GLIS3: variants seen among roughly 807,000 people sequenced by gnomAD.
GLIS3 encodes GLIS family zinc finger 3.
Under a neutral mutation model 78.6 loss-of-function variants are expected in GLIS3, and 53 were observed. The ratio of observed to expected loss-of-function variants is 0.67; its 90% confidence interval spans 0.54 to 0.85. GLIS3 has a LOEUF of 0.85. Among genes scored for constraint, GLIS3 ranks in the 40% least tolerant of loss-of-function variants. The pLI, the probability that GLIS3 is intolerant of heterozygous loss-of-function variation, is 0.00. For missense variants in GLIS3, 1,703 were observed against 1,231.1 expected (o/e 1.38, Z -5.74); for synonymous variants, 684 against 509.9 (o/e 1.34, Z -4.60).
At chr9:4,290,003 G>A (rs1828314470) in intron 1 of GLIS3, among the ~76,000 whole-genome samples, 1 of 152,010 alleles carries the variant, frequency 6.6e-6, no homozygotes, top group Non-Finnish European at 1.5e-5. Context: ...TTCTACCCAA[G>A]GCTCCAGGCA....
At chr9:4,131,352 T>C (rs2130937094) in intron 2 of GLIS3, among the ~76,000 whole-genome samples, 1 of 151,940 alleles carries the variant, frequency 6.6e-6, no homozygotes, top group East Asian at 1.9e-4. Flanking sequence ...TTGGGAGGGG[T>C]CAGGGTGATA....
chr9:3,911,241 TCA>T lies in GLIS3; in HGVS notation c.1984-12408_1984-12407del, dbSNP rs1349229095. ...ATAAGACAATTGAAGTTCCCTGCTC[TCA>T]CAGAGTTTACAGTGTGGCATGAATA... On this transcript the variant is annotated intron_variant, in intron 6 of 10. Coordinates refer to ENST00000381971, the MANE Select transcript of GLIS3 (RefSeq NM_001042413.2). 5.3e-5 allele frequency among the ~76,000 whole-genome samples: 8 copies of T among 152,342 alleles called. No homozygotes were observed. The East Asian group carries it at 1.5e-3, about 29-fold the overall frequency.
chr9:3,873,393 G>A (rs765110755), intron 8 of GLIS3, among the ~76,000 whole-genome samples: 1 of 152,078 alleles, frequency 6.6e-6, no homozygotes, highest in African/African-American at 2.4e-5. Flanking sequence ...ATTTATACGA[G>A]GGAAGCAAGG....
intron 9 of GLIS3, among the ~76,000 whole-genome samples, chr9:3,832,451 T>C (rs1818104013): frequency 6.6e-6 from 1 of 152,198 alleles, no homozygotes; most frequent in African/African-American, 2.4e-5. Context: ...AGACCTGAGC[T>C]GTATACCTCT....
rs938090095 is a variant in GLIS3, at chr9:4,050,307, T to C, written c.1710+67461A>G. 1.4e-4 allele frequency among the ~76,000 whole-genome samples: 22 copies of C among 152,254 alleles called. No individual in the cohort carries two copies. The East Asian group carries it at 3.3e-3, about 23-fold the overall frequency. On this transcript the variant is annotated intron_variant, in intron 4 of 10. Coordinates refer to ENST00000381971, the MANE Select transcript of GLIS3 (RefSeq NM_001042413.2). ...TTCATGTCCTTTGCAGGGACATGGA[T>C]GAAGCTGGAAACCATTATTCTCAGT...
chr9:3,954,989 G>A (rs990407981), intron 4 of GLIS3, among the ~76,000 whole-genome samples: 20 of 152,308 alleles, frequency 1.3e-4, no homozygotes, highest in African/African-American at 3.1e-4. Context: ...AGAGAGATGC[G>A]AAAGCTCAAA....
At chr9:4,062,845 C>T (rs923358543) in intron 4 of GLIS3, among the ~76,000 whole-genome samples, 2 of 151,888 alleles carry the variant, frequency 1.3e-5, no homozygotes, top group Non-Finnish European at 1.5e-5. Flanking sequence ...AGGAGAATGG[C>T]ATGAACCCAG....
intron 4 of GLIS3, among the ~76,000 whole-genome samples, chr9:4,058,239 G>GT (rs964819816): frequency 8.0e-4 from 120 of 150,902 alleles, no homozygotes; most frequent in Middle Eastern, 3.4e-3. Context: ...ATTTTTCCTT[G>GT]TTTTTTTTTG....
intron 4 of GLIS3, among the ~76,000 whole-genome samples, chr9:4,115,855 A>G (rs1005606560): frequency 2.0e-5 from 3 of 152,180 alleles, no homozygotes; most frequent in Admixed American, 2.0e-4. Flanking sequence ...TAAATCATCA[A>G]TCTGAATTTT....
the GLIS3 span, among the ~76,000 whole-genome samples, chr9:4,433,169 C>A: frequency 6.6e-6 from 1 of 152,236 alleles, no homozygotes. Context: ...CTATGGCCCA[C>A]GCCTGTAATC....
rs1816915690 is a variant in GLIS3 at position 3,953,992 on chromosome 9, T to C, written c.1711-16803A>G. 6.6e-5 allele frequency among the ~76,000 whole-genome samples: 10 copies of C among 152,238 alleles called. No homozygotes were observed. The South Asian group carries it at 2.1e-3, about 32-fold the overall frequency. ...CAATACCACGTTTTTTTCCCTTTTT[T>C]CTCCCCCTCACTTGGAGTAAATTAA... On this transcript the variant is annotated intron_variant, in intron 4 of 10. Transcript: ENST00000381971.
At chr9:4,383,746 C>G in the GLIS3 span, among the ~76,000 whole-genome samples, 5 of 152,182 alleles carry the variant, frequency 3.3e-5, no homozygotes, top group African/African-American at 1.2e-4. Flanking sequence ...ACATTTACTT[C>G]CAGAAAAGTA....
rs1451226579 is a variant in GLIS3 at position 3,893,515 on chromosome 9, T to G, written c.2128+5176A>C. Among the ~76,000 whole-genome samples, 5 of 152,108 alleles carry G rather than the reference T, an allele frequency of 3.3e-5. No homozygotes were observed. The East Asian group carries it at 9.6e-4, about 29-fold the overall frequency. ...GAGCAGTGTCATTATAACGCTGCTG[T>G]GGGGTGACAAGCAAAATATCCACCT... On this transcript the variant is annotated intron_variant, in intron 7 of 10. Transcript: ENST00000381971.
At chr9:4,021,366 C>T (rs1429152752) in intron 4 of GLIS3, among the ~76,000 whole-genome samples, 1 of 151,982 alleles carries the variant, frequency 6.6e-6, no homozygotes, top group Non-Finnish European at 1.5e-5. Flanking sequence ...TCTCATGGTC[C>T]TTTGCAAAAC....
At chr9:4,162,264 G>A (rs535254069) in intron 2 of GLIS3, among the ~76,000 whole-genome samples, 3 of 152,078 alleles carry the variant, frequency 2.0e-5, no homozygotes, top group East Asian at 1.9e-4. Context: ...ACTCTAATCC[G>A]GTATGACCTC....
chr9:4,385,253 C>G, the GLIS3 span, among the ~76,000 whole-genome samples: 2 of 152,168 alleles, frequency 1.3e-5, no homozygotes, highest in African/African-American at 4.8e-5. Flanking sequence ...CTAAAAATTT[C>G]AAGGATTTTC....
At chr9:4,255,325 T>C (rs372166357) in intron 2 of GLIS3, among the ~76,000 whole-genome samples, 3 of 152,312 alleles carry the variant, frequency 2.0e-5, no homozygotes, top group African/African-American at 7.2e-5. Context: ...AAACTAAATA[T>C]ATCCTTACCA....
In GLIS3 at chr9:4,286,393, G is replaced by T; in HGVS notation, c.33C>A (p.His11Gln). The T allele has an allele frequency of 6.2e-7, 1 of 1,614,178 alleles. No individual in the cohort carries two copies. The highest frequency in any genetic ancestry group is 8.5e-7 in the Non-Finnish European group (1 of 1,180,038). The part of the protein sequence containing the change: MNGRSCSMSL[H>Q]RTSGTPQGPR... ...GCCCCTGTGGGGTTCCCGATGTCCG[G>T]TGGAGACTCATGCTGCATGATCTTC... The change falls in exon 2 of 11, where the codon CAC (histidine) becomes CAA (glutamine). Residue 11 changes from histidine (H) to glutamine (Q), a missense_variant. His to Gln is a conservative substitution (Grantham distance 24). Coordinates refer to ENST00000381971, the MANE Select transcript of GLIS3 (RefSeq NM_001042413.2).
At chr9:4,098,295 T>A (rs985845303) in intron 4 of GLIS3, among the ~76,000 whole-genome samples, 2 of 152,326 alleles carry the variant, frequency 1.3e-5, no homozygotes, top group Middle Eastern at 3.4e-3. Context: ...TTCACTGACC[T>A]TGGTATATTC....
Sources: allele counts gnomAD v4.1 joint callset (sites outside exome capture counted in the v4.1 genomes callset), GRCh38; gene constraint gnomAD v4.1.1; transcripts MANE v1.5; gene names NCBI Gene and HGNC (gene_info 2026-07-23, HGNC 2026-07-21).